Variants in UGT1A7 observed in about 807,000 individuals in gnomAD.
UGT1A7 encodes the protein UDP-glucuronosyltransferase 1A7.
UGT1A7 carries 33 observed loss-of-function variants against 45.6 expected under a neutral mutation model. That is an observed-to-expected ratio of 0.72 (90% CI 0.55 to 0.97). The LOEUF is 0.97. Among genes scored for constraint, UGT1A7 ranks in the 50% least tolerant of loss-of-function variants. The probability of loss-of-function intolerance (pLI) is 0.00; values close to 1 mark genes in which losing one functional copy is unlikely to be tolerated. For missense variants in UGT1A7, 684 were observed against 666.2 expected, an observed-to-expected ratio of 1.03 and a Z score of -0.29; for synonymous variants, 274 against 250.6, an observed-to-expected ratio of 1.09 and a Z score of -0.88.
Position 233,768,265 on chromosome 2 carries a change from G to T in UGT1A7, c.1121G>T (p.Gly374Val), listed in dbSNP as rs1283652721. Residue 374 changes from glycine to valine, a missense_variant, in exon 4 of 5, where the codon GGT becomes GTT. By Grantham distance (109) the Gly-to-Val change is moderately radical. Transcript: ENST00000373426. The part of the protein sequence containing the change: ...RAFITHAGSH[G>V]VYESICNGVP... ...TTTATCACCCATGCTGGTTCCCATGGTGTTTATGAAAGCATATGCAATGGC... is the reference window on the plus strand; with the variant it reads ...TTTATCACCCATGCTGGTTCCCATGTTGTTTATGAAAGCATATGCAATGGC... 5.0e-6 allele frequency: 8 copies of T among 1,614,030 alleles called. No individual in the cohort carries two copies. The highest frequency in any genetic ancestry group is 6.8e-6 in the Non-Finnish European group (8 of 1,180,030).
chr2:233,729,939 C>A (rs1259357082), intron 1 of UGT1A7: 3 of 1,614,034 alleles, frequency 1.9e-6, no homozygotes, highest in Admixed American at 3.3e-5. Flanking sequence ...CAATCATGCC[C>A]AACATGGTCT....
chr2:233,768,305 G>C lies in UGT1A7; in HGVS notation c.1161G>C (p.Met387Ile). The change falls in exon 4 of 5, where the codon ATG (methionine) becomes ATC (isoleucine). Residue 387 changes from methionine (M) to isoleucine (I), a missense_variant. Coordinates refer to ENST00000373426, the MANE Select transcript of UGT1A7 (RefSeq NM_019077.3). ...ESICNGVPMV[M>I]MPLFGDQMDN... ...TATGCAATGGCGTTCCCATGGTGAT[G>C]ATGCCCTTGTTTGGTGATCAGATGG... 1 of 1,614,202 alleles carries C rather than the reference G, an allele frequency of 6.2e-7. No individual in the cohort carries two copies. The highest frequency in any genetic ancestry group is 8.5e-7 in the Non-Finnish European group (1 of 1,180,040).
At chr2:233,730,195 G>T (rs1056966798) in intron 1 of UGT1A7, among the ~76,000 whole-genome samples, 6 of 152,186 alleles carry the variant, frequency 3.9e-5, no homozygotes, top group Admixed American at 6.5e-5. Context: ...TCACTGAGAG[G>T]AAGAGGAAGT....
At chr2:233,697,699 A>G (rs183919880) in intron 1 of UGT1A7, among the ~76,000 whole-genome samples, 2 of 152,092 alleles carry the variant, frequency 1.3e-5, no homozygotes, top group Admixed American at 1.3e-4. Flanking sequence ...TTTTGGATGT[A>G]GGCATTTATT....
chr2:233,772,245 A>T lies in UGT1A7; in HGVS notation c.1296-17A>T, dbSNP rs1279252088. The T allele has an allele frequency of 1.2e-6, 2 of 1,614,050 alleles. No individual in the cohort carries two copies. The highest frequency in any genetic ancestry group is 1.7e-5 in the Admixed American group (1 of 60,002). On this transcript the variant is annotated splice_polypyrimidine_tract_variant and intron_variant, in intron 4 of 4. Coordinates refer to ENST00000373426, the MANE Select transcript of UGT1A7 (RefSeq NM_019077.3). ...CCACAGGTGTTCCAGGCATAACGAAACTGTCTTTGTGTTTAGTTACAAGGA... is the reference window on the plus strand; with the variant it reads ...CCACAGGTGTTCCAGGCATAACGAATCTGTCTTTGTGTTTAGTTACAAGGA...
intron 1 of UGT1A7, among the ~76,000 whole-genome samples, chr2:233,723,397 A>G (rs1363252686): frequency 3.9e-5 from 5 of 128,818 alleles, no homozygotes; most frequent in Non-Finnish European, 7.9e-5. Context: ...TTTAGTAGAG[A>G]TGGGGTTTCA....
chr2:233,736,190 T>C (rs573636337), intron 1 of UGT1A7, among the ~76,000 whole-genome samples: 9 of 152,368 alleles, frequency 5.9e-5, no homozygotes, highest in African/African-American at 2.2e-4. Flanking sequence ...CCCATATTTC[T>C]TCAAGGCTTT....
chr2:233,772,440 C>T lies in UGT1A7; in HGVS notation c.1474C>T (p.Leu492Phe). 3 of 1,614,194 alleles carry T rather than the reference C, an allele frequency of 1.9e-6. No individual in the cohort carries two copies. Among genetic ancestry groups the T allele is most frequent in the South Asian group, 2.2e-5 (2 of 91,088 alleles). ...CCATTCCTTGGACGTGATTGGTTTC[C>T]TCTTGGCCGTCGTGCTGACAGTGGC... ...QYHSLDVIGF[L>F]LAVVLTVAFI... is the part of the protein sequence containing the mutation. Residue 492 changes from leucine to phenylalanine, a missense_variant, in exon 5 of 5, where the codon CTC becomes TTC. Transcript: ENST00000373426.
At chr2:233,751,830 G>A (rs571499151) in intron 1 of UGT1A7, among the ~76,000 whole-genome samples, 82 of 152,290 alleles carry the variant, frequency 5.4e-4, no homozygotes, top group Non-Finnish European at 9.3e-4. Flanking sequence ...CCAGCCATGT[G>A]GAACTGAGTC....
At position 233,694,085 on chromosome 2, in the gene UGT1A7, A is replaced by G. The variant is rs1034511952; in HGVS notation, c.855+11293A>G. Among the ~76,000 whole-genome samples the G allele has an allele frequency of 7.2e-5, 11 of 152,174 alleles. No individual in the cohort carries two copies. In the East Asian group the frequency reaches 2.1e-3, roughly 29 times the overall value. ...GACAGGGCTCATGCTTGGCAAGAGT[A>G]GGAGATTTGCTTAGTTGGATAATCT... On this transcript the variant is annotated intron_variant, in intron 1 of 4. Coordinates refer to ENST00000373426, the MANE Select transcript of UGT1A7 (RefSeq NM_019077.3).
chr2:233,702,821 G>T (rs769310431), intron 1 of UGT1A7, among the ~76,000 whole-genome samples: 8 of 152,166 alleles, frequency 5.3e-5, no homozygotes, highest in Non-Finnish European at 1.2e-4. Context: ...ACTTGATTGT[G>T]TTGTATAATC....
At position 233,761,035 on chromosome 2, in the gene UGT1A7, T is replaced by C. The variant is rs57307513; in HGVS notation, c.856-5999T>C. On this transcript the variant is annotated intron_variant, in intron 1 of 4. Transcript: ENST00000373426. ...GGTGACTGTCCAGGACCTATTGAGC[T>C]CTGCATCTGTCTGGCTGTTTAGAAG... The C allele has an allele frequency of 4.4e-4, 717 of 1,614,210 alleles. No individual in the cohort carries two copies. Among genetic ancestry groups the C allele is most frequent in the Non-Finnish European group, 5.5e-4 (645 of 1,180,032 alleles).
At chr2:233,751,208 T>G (rs767963579) in intron 1 of UGT1A7, among the ~76,000 whole-genome samples, 3 of 151,940 alleles carry the variant, frequency 2.0e-5, no homozygotes, top group Non-Finnish European at 4.4e-5. Flanking sequence ...TTTTGGAGCT[T>G]TAAGATTTAA....
At chr2:233,704,011 C>T (rs1236520460) in intron 1 of UGT1A7, among the ~76,000 whole-genome samples, 1 of 152,002 alleles carries the variant, frequency 6.6e-6, no homozygotes, top group African/African-American at 2.4e-5. Flanking sequence ...CCACCTCAGC[C>T]GCCCGAGCAG....
intron 1 of UGT1A7, chr2:233,693,000 C>G (rs879529755): frequency 4.3e-6 from 7 of 1,613,882 alleles, no homozygotes; most frequent in Non-Finnish European, 5.9e-6. Flanking sequence ...TTAACTCTTT[C>G]CAGGATGGCC....
intron 1 of UGT1A7, chr2:233,743,701 C>A (rs13009407): frequency 2.9e-6 from 4 of 1,367,150 alleles, no homozygotes; most frequent in South Asian, 2.3e-5. Context: ...CGCCCTCCGC[C>A]CCCGCCTCGC....
intron 1 of UGT1A7, among the ~76,000 whole-genome samples, chr2:233,694,304 GT>G (rs35761222): frequency 2.1e-4 from 30 of 145,430 alleles, no homozygotes; most frequent in East Asian, 4.0e-4. Flanking sequence ...CCTGTTTTTT[GT>G]TTTTTTTTTT....
chr2:233,712,893 T>A, intron 1 of UGT1A7: 1 of 1,605,864 alleles, frequency 6.2e-7, no homozygotes, highest in Non-Finnish European at 8.5e-7. Context: ...ACATGTTGAT[T>A]TGCTAGGTGT....
intron 1 of UGT1A7, chr2:233,740,576 G>A (rs1691425375): frequency 6.6e-6 from 1 of 151,744 alleles, no homozygotes; most frequent in Non-Finnish European, 1.5e-5. Flanking sequence ...TGTTTTTTGG[G>A]ACCCTAATGA....
Sources: gnomAD v4.1 joint callset for allele counts (sites outside exome capture counted in the v4.1 genomes callset) on GRCh38, gnomAD v4.1.1 for gene constraint, MANE v1.5 for transcripts, NCBI Gene and HGNC (gene_info 2026-07-23, HGNC 2026-07-21) for gene names.